Variants in REC114 observed in about 807,000 individuals in gnomAD.
REC114 encodes meiotic recombination protein REC114.
REC114 carries 27 observed loss-of-function variants against 31.3 expected under a neutral mutation model. The ratio of observed to expected loss-of-function variants is 0.86; its 90% CI spans 0.64 to 1.19. The LOEUF is 1.19. REC114 is among the 50% of genes most tolerant of loss of function. REC114 has a pLI of 0.00. For missense variants in REC114, 344 were observed against 326.9 expected (o/e 1.05, Z -0.40); for synonymous variants, 134 against 127.7 (o/e 1.05, Z -0.33).
chr15:73,557,821 C>T (rs1017512146), intron 5 of REC114, among the ~76,000 whole-genome samples: 8 of 152,198 alleles, frequency 5.3e-5, no homozygotes, highest in Non-Finnish European at 1.0e-4. Context: ...CTTACTTGCT[C>T]TTATCTTTTG....
chr15:73,499,386 A>C (rs774061041), intron 2 of REC114, among the ~76,000 whole-genome samples: 10 of 152,096 alleles, frequency 6.6e-5, no homozygotes, highest in Non-Finnish European at 1.2e-4. Flanking sequence ...CAGTTTGATC[A>C]CTTGCTGTCT....
intron 2 of REC114, among the ~76,000 whole-genome samples, chr15:73,481,158 T>TG (rs1893288590): frequency 6.6e-6 from 1 of 152,192 alleles, no homozygotes; most frequent in African/African-American, 2.4e-5. Flanking sequence ...AACAGCTTCA[T>TG]GTGTGTGATA....
intron 1 of REC114, among the ~76,000 whole-genome samples, chr15:73,448,588 G>A (rs28817075): frequency 0.046 from 7,056 of 152,270 alleles, 265 homozygotes; most frequent in African/African-American, 0.11. Context: ...AGACTTAAAT[G>A]TCCCTGCCTG....
intron 2 of REC114, among the ~76,000 whole-genome samples, chr15:73,491,550 G>A (rs904529891): frequency 2.6e-5 from 4 of 152,162 alleles, no homozygotes; most frequent in African/African-American, 9.7e-5. Context: ...TGCCCAGTAA[G>A]TGTCTTTATA....
chr15:73,536,037 A>G (rs2141327596), intron 2 of REC114, among the ~76,000 whole-genome samples: 1 of 151,446 alleles, frequency 6.6e-6, no homozygotes, highest in Admixed American at 6.6e-5. Flanking sequence ...AAGATGGATT[A>G]AAGACTTAAA....
intron 1 of REC114, among the ~76,000 whole-genome samples, chr15:73,468,838 A>G (rs1321805056): frequency 6.6e-6 from 1 of 151,986 alleles, no homozygotes; most frequent in African/African-American, 2.4e-5. Flanking sequence ...TTCTTTTTTA[A>G]TATGTTAACA....
At position 73,540,525 on chromosome 15, in the gene REC114, T is replaced by C. The variant is rs753323677; in HGVS notation, c.290T>C (p.Ile97Thr). The C allele has an allele frequency of 3.1e-6, 5 of 1,613,876 alleles. No homozygotes were observed. Among genetic ancestry groups the C allele is most frequent in the South Asian group, 1.1e-5 (1 of 91,088 alleles). ...SLIGSKDWLKIVRRVDCLLFG... is the reference protein window; with the variant it reads ...SLIGSKDWLKTVRRVDCLLFG... The stretch of plus-strand genomic sequence containing the variant: ...ATTGGTAGCAAGGACTGGTTGAAGA[T>C]TGTAAGACGCGTGGATTGTCTGTTG... The change falls in exon 3 of 6, where the codon ATT (isoleucine) becomes ACT (threonine). Residue 97 changes from isoleucine (I) to threonine (T), a missense_variant. Coordinates refer to ENST00000331090, the MANE Select transcript of REC114 (RefSeq NM_001042367.2).
intron 3 of REC114, among the ~76,000 whole-genome samples, chr15:73,542,516 G>A (rs1282271227): frequency 1.3e-5 from 2 of 151,908 alleles, no homozygotes; most frequent in Non-Finnish European, 2.9e-5. Flanking sequence ...GCATCACCTG[G>A]CCCTTTTATA....
At chr15:73,513,498 T>A (rs1311166153) in intron 2 of REC114, among the ~76,000 whole-genome samples, 147 of 149,414 alleles carry the variant, frequency 9.8e-4, no homozygotes, top group Non-Finnish European at 1.7e-3. Context: ...GGAACTGCGT[T>A]CCTTTGGAGG....
At position 73,550,956 on chromosome 15, in the gene REC114, C is replaced by A; in HGVS notation, c.352C>A (p.Arg118=). 6.2e-7 allele frequency: 1 copy of A among 1,613,812 alleles called. No homozygotes were observed. Among genetic ancestry groups the A allele is most frequent in the Non-Finnish European group, 8.5e-7 (1 of 1,179,822 alleles). Residue 118 remains arginine, a synonymous_variant, in exon 4 of 6, where the codon CGA becomes AGA. Coordinates refer to ENST00000331090, the MANE Select transcript of REC114 (RefSeq NM_001042367.2). ...CAAACAGGACAAGAGTCGCCTGTTT[C>A]GAGTACAGTTCAGTGGAGAGTCAAA... ...TTIKDKSRLF[R]VQFSGESKEQ...
intron 1 of REC114, among the ~76,000 whole-genome samples, chr15:73,455,958 A>G (rs1307368553): frequency 2.0e-5 from 3 of 152,236 alleles, no homozygotes; most frequent in African/African-American, 7.2e-5. Flanking sequence ...GGGGTTTAGA[A>G]TATCTTGAAT....
At chr15:73,523,264 C>T (rs1893960946) in intron 2 of REC114, among the ~76,000 whole-genome samples, 1 of 151,662 alleles carries the variant, frequency 6.6e-6, no homozygotes, top group South Asian at 2.1e-4. Flanking sequence ...CCTAGAATCA[C>T]AGCAGATTCA....
chr15:73,511,317 A>AT (rs1279620442), intron 2 of REC114, among the ~76,000 whole-genome samples: 2 of 151,236 alleles, frequency 1.3e-5, no homozygotes, highest in South Asian at 4.2e-4. Flanking sequence ...TATTGTGTCT[A>AT]TTTGATTCTT....
At chr15:73,484,336 A>G (rs956325957) in intron 2 of REC114, among the ~76,000 whole-genome samples, 1 of 151,876 alleles carries the variant, frequency 6.6e-6, no homozygotes, top group African/African-American at 2.4e-5. Flanking sequence ...ACCCTTATAT[A>G]TCAAGTTGCT....
intron 1 of REC114, among the ~76,000 whole-genome samples, chr15:73,468,293 G>A (rs1456581097): frequency 6.6e-6 from 1 of 151,942 alleles, no homozygotes; most frequent in East Asian, 1.9e-4. Context: ...TTTTCAATGT[G>A]CTGGTCTTCT....
intron 2 of REC114, among the ~76,000 whole-genome samples, chr15:73,537,211 A>G (rs1026903586): frequency 8.5e-5 from 13 of 152,222 alleles, no homozygotes; most frequent in Admixed American, 8.5e-4. Context: ...GATAAATGCT[A>G]TGAGAGAAAG....
intron 2 of REC114, among the ~76,000 whole-genome samples, chr15:73,517,490 C>T (rs551144768): frequency 6.6e-6 from 1 of 152,134 alleles, no homozygotes; most frequent in East Asian, 1.9e-4. Context: ...GAGCAAAAAC[C>T]AATCGGACTT....
intron 3 of REC114, among the ~76,000 whole-genome samples, chr15:73,544,445 G>A: frequency 6.6e-6 from 1 of 152,152 alleles, no homozygotes; most frequent in East Asian, 1.9e-4. Flanking sequence ...TAAATTCTAT[G>A]AGTAGTAAAC....
intron 1 of REC114, among the ~76,000 whole-genome samples, chr15:73,470,964 C>T (rs997795598): frequency 6.6e-6 from 1 of 152,076 alleles, no homozygotes; most frequent in African/African-American, 2.4e-5. Context: ...TGAGAGTGCA[C>T]AGTAGGTGGG....
Sources: allele counts gnomAD v4.1 joint callset (sites outside exome capture counted in the v4.1 genomes callset), GRCh38; gene constraint gnomAD v4.1.1; transcripts MANE v1.5; gene names NCBI Gene and HGNC (gene_info 2026-07-23, HGNC 2026-07-21).